The following PRKG1 variants were observed in gnomAD, a reference collection of about 807,000 sequenced individuals.
The protein encoded by PRKG1 is protein kinase cGMP-dependent 1.
In PRKG1, 35 loss-of-function variants were observed where a neutral mutation model predicts 88.1. The ratio of observed to expected loss-of-function variants is 0.40; its 90% CI spans 0.30 to 0.53. PRKG1 has a LOEUF of 0.53. PRKG1 is among the 20% of genes least tolerant of loss of function. The pLI is 0.59. For missense variants in PRKG1, 540 were observed against 839.8 expected (o/e 0.64, Z 4.41); for synonymous variants, 303 against 292.5 (o/e 1.04, Z -0.37).
chr10:51,838,433 T>C (rs1424991692), intron 4 of PRKG1, among the ~76,000 whole-genome samples: 2 of 152,178 alleles, frequency 1.3e-5, no homozygotes, highest in Non-Finnish European at 2.9e-5. Flanking sequence ...TAAACATGAA[T>C]AATGAAGCCC....
chr10:52,199,605 A>C (rs1223310250), intron 9 of PRKG1, among the ~76,000 whole-genome samples: 1 of 152,168 alleles, frequency 6.6e-6, no homozygotes, highest in Non-Finnish European at 1.5e-5. Context: ...TAAGAGGTTC[A>C]GCTTTGCCGG....
At chr10:51,257,866 G>A (rs1391185608) in intron 2 of PRKG1, among the ~76,000 whole-genome samples, 1 of 152,126 alleles carries the variant, frequency 6.6e-6, no homozygotes, top group African/African-American at 2.4e-5. Flanking sequence ...AAAACCTAAG[G>A]GGATAAGGAG....
intron 5 of PRKG1, among the ~76,000 whole-genome samples, chr10:51,999,406 A>G (rs948886644): frequency 1.3e-5 from 2 of 152,204 alleles, no homozygotes; most frequent in African/African-American, 4.8e-5. Flanking sequence ...GCACTAGTAA[A>G]AGGAAACTTG....
At position 51,464,754 on chromosome 10, in the gene PRKG1, A is replaced by G. The variant is rs2588852; in HGVS notation, c.479-2969A>G. Among the ~76,000 whole-genome samples, 167 of 150,040 alleles carry G rather than the reference A, an allele frequency of 1.1e-3. 1 individual carries two copies. Among genetic ancestry groups the G allele is most frequent in the East Asian group, 3.9e-3 (20 of 5,092 alleles). The stretch of plus-strand genomic sequence containing the variant: ...AAAATACAAAAAATTAGCCGGGCGT[A>G]GTGGCGGGCGCCTGTAGTCCCAGCT... On this transcript the variant is annotated intron_variant, in intron 2 of 17. Coordinates refer to ENST00000373980, the MANE Select transcript of PRKG1 (RefSeq NM_006258.4).
chr10:51,464,400 G>T (rs61849775), intron 2 of PRKG1, among the ~76,000 whole-genome samples: 1 of 152,068 alleles, frequency 6.6e-6, no homozygotes, highest in Non-Finnish European at 1.5e-5. Flanking sequence ...GCCTGGAAAA[G>T]ATGTTTTATG....
chr10:51,970,134 AT>A (rs1843674286), intron 5 of PRKG1, among the ~76,000 whole-genome samples: 1 of 151,806 alleles, frequency 6.6e-6, no homozygotes, highest in Admixed American at 6.6e-5. Context: ...AAATACTACA[AT>A]GTGTCTTCCC....
chr10:51,963,206 G>T (rs1440749842), intron 5 of PRKG1, among the ~76,000 whole-genome samples: 1 of 152,120 alleles, frequency 6.6e-6, no homozygotes, highest in South Asian at 2.1e-4. Context: ...TACTGTGGAT[G>T]TATTGAAATC....
At chr10:51,175,522 T>G (rs1433630249) in intron 2 of PRKG1, among the ~76,000 whole-genome samples, 1 of 152,060 alleles carries the variant, frequency 6.6e-6, no homozygotes, top group Non-Finnish European at 1.5e-5. Context: ...GATTCCAATA[T>G]GATTATTTCC....
intron 9 of PRKG1, among the ~76,000 whole-genome samples, chr10:52,197,500 C>G (rs1344354346): frequency 6.6e-6 from 1 of 152,146 alleles, no homozygotes; most frequent in Non-Finnish European, 1.5e-5. Context: ...AGAAAAACTC[C>G]GAGGTATAGG....
chr10:51,239,411 C>T (rs1839092165), intron 2 of PRKG1, among the ~76,000 whole-genome samples: 1 of 152,158 alleles, frequency 6.6e-6, no homozygotes, highest in Non-Finnish European at 1.5e-5. Context: ...ACTGGGGCTT[C>T]CCAGATATTT....
At chr10:51,575,752 G>A (rs1837870289) in intron 3 of PRKG1, among the ~76,000 whole-genome samples, 1 of 151,540 alleles carries the variant, frequency 6.6e-6, no homozygotes, top group Non-Finnish European at 1.5e-5. Context: ...AACTCCTAAG[G>A]ACCTGCACAA....
intron 2 of PRKG1, among the ~76,000 whole-genome samples, chr10:51,368,896 A>C (rs886641996): frequency 2.6e-5 from 4 of 152,088 alleles, no homozygotes; most frequent in African/African-American, 9.7e-5. Context: ...AATGAGGTAT[A>C]TGGATTGGAG....
intron 2 of PRKG1, among the ~76,000 whole-genome samples, chr10:51,174,408 T>C (rs980305142): frequency 6.6e-6 from 1 of 152,066 alleles, no homozygotes; most frequent in Non-Finnish European, 1.5e-5. Context: ...ATATTTAACT[T>C]TCTTCTCATC....
rs114667862 is a variant in PRKG1 at position 51,412,857 on chromosome 10, G to T, written c.479-54866G>T. Among the ~76,000 whole-genome samples the T allele has an allele frequency of 6.6e-3, 1,000 of 152,184 alleles. 4 individuals are homozygous for T. Among genetic ancestry groups the T allele is most frequent in the African/African-American group, 0.023 (954 of 41,516 alleles). ...CCTGTCCATTTGAACAGGGTCTTTT[G>T]TTAAGTGTAGGTGGAAAGAAGGGAA... On this transcript the variant is annotated intron_variant, in intron 2 of 17. Transcript: ENST00000373980.
At chr10:51,335,706 T>A (rs1841859214) in intron 2 of PRKG1, among the ~76,000 whole-genome samples, 1 of 152,088 alleles carries the variant, frequency 6.6e-6, no homozygotes, top group Admixed American at 6.6e-5. Context: ...TAGTTTTGTG[T>A]GATTTTTAGA....
chr10:51,428,504 AT>A (rs1838661601), intron 2 of PRKG1, among the ~76,000 whole-genome samples: 1 of 152,212 alleles, frequency 6.6e-6, no homozygotes, highest in Admixed American at 6.5e-5. Flanking sequence ...CCCTCCAAAT[AT>A]TTGATAAAAC....
chr10:51,497,665 ATAGAT>A (rs962048821), intron 3 of PRKG1, among the ~76,000 whole-genome samples: 5 of 152,184 alleles, frequency 3.3e-5, no homozygotes, highest in African/African-American at 4.8e-5. Context: ...AGGTGTGCAA[ATAGAT>A]TAGAGATCAG....
intron 5 of PRKG1, among the ~76,000 whole-genome samples, chr10:51,951,654 G>A (rs979257292): frequency 6.6e-6 from 1 of 150,658 alleles, no homozygotes; most frequent in Admixed American, 6.7e-5. Context: ...ATAGTTTCCA[G>A]ACATTGGGAT....
intron 5 of PRKG1, among the ~76,000 whole-genome samples, chr10:52,014,730 G>A (rs1448614243): frequency 6.6e-6 from 1 of 152,214 alleles, no homozygotes; most frequent in South Asian, 2.1e-4. Flanking sequence ...AAGATATAAT[G>A]GGGGTACAGG....
Sources: gnomAD v4.1 joint callset for allele counts (sites outside exome capture counted in the v4.1 genomes callset) on GRCh38, gnomAD v4.1.1 for gene constraint, MANE v1.5 for transcripts, NCBI Gene and HGNC (gene_info 2026-07-23, HGNC 2026-07-21) for gene names.